Variants in ATIC observed in about 807,000 individuals in gnomAD.
ATIC encodes 5-aminoimidazole-4-carboxamide ribonucleotide formyltransferase/IMP cyclohydrolase, also known as bifunctional purine biosynthesis protein ATIC.
ATIC carries 64 observed loss-of-function variants against 72.5 expected under a neutral mutation model. The observed-to-expected ratio is 0.88, with a 90% CI of 0.72 to 1.09. The LOEUF is 1.09. Among genes scored for constraint, ATIC ranks in the 50% least tolerant of loss-of-function variants. The pLI is 0.00. For synonymous variants in ATIC, 281 were observed against 267.1 expected (o/e 1.05, Z -0.51); for missense variants, 787 against 732.4 (o/e 1.07, Z -0.86).
At chr2:215,312,298 C>A in intron 1 of ATIC, 137 bp downstream of exon 1, 1 of 1,443,134 alleles carries the variant, frequency 6.9e-7, no homozygotes, top group Non-Finnish European at 9.2e-7. Flanking sequence ...CGCTCCCCGG[C>A]CGGGCCGCAG....
chr2:215,337,736 C>A (rs2052972510), intron 11 of ATIC, among the ~76,000 whole-genome samples: 1 of 152,140 alleles, frequency 6.6e-6, no homozygotes, highest in South Asian at 2.1e-4. Context: ...CAACCATTAG[C>A]ATTTTCTTGT....
chr2:215,348,694 G>A lies in ATIC; in HGVS notation c.1504-400G>A, dbSNP rs189975188. ...TTAAGAAATCCTGGCCGGGCGCGGT[G>A]GCTCATGCCTATAATCCCAGCACTT... is the stretch of plus-strand genomic sequence containing the variant. On this transcript the variant is annotated intron_variant, in intron 14 of 15. Transcript: ENST00000236959. The A allele has an allele frequency of 1.4e-5, 6 of 420,156 alleles. No individual in the cohort carries two copies. The East Asian group carries it at 3.4e-4, about 24-fold the overall frequency. 26.0% of individuals were successfully genotyped at this position (420,156 alleles called of 1,614,324 possible). A position where few individuals can be genotyped will look rare whatever the true frequency, so the allele number is the denominator to read the frequency against.
At chr2:215,346,150 T>TTTTATTTA (rs35409099) in intron 13 of ATIC, among the ~76,000 whole-genome samples, 22 of 151,184 alleles carry the variant, frequency 1.5e-4, no homozygotes, top group Admixed American at 7.3e-4. Flanking sequence ...TGGTCATTAG[T>TTTTATTTA]TTTATTTATT....
downstream of ATIC, among the ~76,000 whole-genome samples, chr2:215,350,763 T>C (rs2053124340): frequency 6.6e-6 from 1 of 152,214 alleles, no homozygotes; most frequent in African/African-American, 2.4e-5. Flanking sequence ...AGGACAGACC[T>C]GTGCATCTGT....
At chr2:215,330,999 T>G (rs538540782) in intron 7 of ATIC, among the ~76,000 whole-genome samples, 2 of 152,332 alleles carry the variant, frequency 1.3e-5, no homozygotes, top group Admixed American at 1.3e-4. Context: ...GAATAATATT[T>G]CACTGTGTAT....
At chr2:215,355,128 C>G in the ATIC span, among the ~76,000 whole-genome samples, 1 of 152,026 alleles carries the variant, frequency 6.6e-6, no homozygotes, top group Non-Finnish European at 1.5e-5. Flanking sequence ...CAAGCTTACT[C>G]CTGGGTTCCT....
At chr2:215,355,146 T>C in the ATIC span, among the ~76,000 whole-genome samples, 45 of 152,250 alleles carry the variant, frequency 3.0e-4, 1 homozygote, top group East Asian at 8.1e-3. Flanking sequence ...CCTCATATTT[T>C]GCTCTGTGAG....
rs1559267639 is a variant in ATIC at position 215,320,588 on chromosome 2, A to ATTTTTTTTTTTTTTTTTTTTTT, written c.290+861_290+862insTTTTTTTTTTTTTTTTTTTTTT. Among the ~76,000 whole-genome samples, 8 of 151,650 alleles carry ATTTTTTTTTTTTTTTTTTTTTT rather than the reference A, an allele frequency of 5.3e-5. 2 individuals are homozygous for ATTTTTTTTTTTTTTTTTTTTTT. The highest frequency in any genetic ancestry group is 3.9e-4 in the East Asian group (2 of 5,174). On this transcript the variant is annotated intron_variant, in intron 4 of 15. Coordinates refer to ENST00000236959, the MANE Select transcript of ATIC (RefSeq NM_004044.7). ...TAACTTTTATTCTTAATTTAATTTA[A>ATTTTTTTTTTTTTTTTTTTTTT]TTTTATTTTGAGACAGGGTCTCGCT...
chr2:215,326,410 G>C (rs1457800241), intron 6 of ATIC, among the ~76,000 whole-genome samples: 3 of 152,096 alleles, frequency 2.0e-5, no homozygotes, highest in African/African-American at 7.2e-5. Context: ...TTTGAGACCA[G>C]CCTGGCCAAT....
In ATIC at chr2:215,332,273, TA is replaced by T. The variant is rs2052903807; in HGVS notation, c.689-107del. On this transcript the variant is annotated intron_variant, in intron 7 of 15. Coordinates refer to ENST00000236959, the MANE Select transcript of ATIC (RefSeq NM_004044.7). ...TGTTTGTGTGTATCTGTTTGGCTCT[TA>T]ATTATACTTAAAACATTTGTTTAGT... 6 of 1,479,832 alleles carry T rather than the reference TA, an allele frequency of 4.1e-6. No homozygotes were observed. In the East Asian group the frequency reaches 1.4e-4, roughly 34 times the overall value. The allele number at this position is 1,479,832 out of a possible 1,614,324, so 91.7% of individuals were successfully genotyped here.
At chr2:215,325,805 A>G (rs2052817322) in intron 5 of ATIC, among the ~76,000 whole-genome samples, 182 bp from the exon 6 acceptor site, 1 of 152,090 alleles carries the variant, frequency 6.6e-6, no homozygotes, top group African/African-American at 2.4e-5. Flanking sequence ...ACCTCAGGTG[A>G]TCCACCTGCC....
At chr2:215,347,860 T>C (rs541693789) in intron 14 of ATIC, among the ~76,000 whole-genome samples, 19 of 152,288 alleles carry the variant, frequency 1.2e-4, no homozygotes, top group Non-Finnish European at 2.8e-4. Context: ...TCTGTGCCAC[T>C]ATGACACAAT....
In ATIC at chr2:215,333,427, C is replaced by G; in HGVS notation, c.892C>G (p.Pro298Ala). 1.2e-6 allele frequency: 2 copies of G among 1,614,070 alleles called. No homozygotes were observed. Among genetic ancestry groups the G allele is most frequent in the Non-Finnish European group, 1.7e-6 (2 of 1,180,012 alleles). ...TTATGATCTCTATAAAACCCTCACA[C>G]CCATCTCAGCGGCATATGCAAGAGC... ...MVYDLYKTLT[P>A]ISAAYARARG... Residue 298 changes from proline (P) to alanine (A), a missense_variant, in exon 9 of 16, where the codon CCC (proline) becomes GCC (alanine). Physicochemically the swap from Pro to Ala is conservative, Grantham distance 27. Coordinates refer to ENST00000236959, the MANE Select transcript of ATIC (RefSeq NM_004044.7).
chr2:215,318,028 T>C, intron 2 of ATIC, 129 bp from the exon 3 acceptor site: 2 of 828,216 alleles, frequency 2.4e-6, no homozygotes, highest in Non-Finnish European at 4.0e-6. Flanking sequence ...TGAAATACTT[T>C]AAAAAATCAG....
Position 215,326,899 on chromosome 2 carries a change from G to A in ATIC, c.609G>A (p.Gln203=). ...AACAGTACAGCAAAGGCGTATCTCA[G>A]ATGCCCTTGAGATATGGAATGAACC... ...FRKQYSKGVS[Q]MPLRYGMNPH... is the part of the protein sequence containing the mutation. Residue 203 remains glutamine, a synonymous_variant, in exon 7 of 16, where the codon CAG becomes CAA. Transcript: ENST00000236959. 6.2e-7 allele frequency: 1 copy of A among 1,614,078 alleles called. No individual in the cohort carries two copies. Among genetic ancestry groups the A allele is most frequent in the African/African-American group, 1.3e-5 (1 of 75,018 alleles).
At chr2:215,319,050 T>C (rs952757469) in intron 3 of ATIC, among the ~76,000 whole-genome samples, 6 of 151,800 alleles carry the variant, frequency 4.0e-5, no homozygotes, top group African/African-American at 1.5e-4. Flanking sequence ...CCAGCTAATT[T>C]TTGTATTTTT....
the ATIC span, among the ~76,000 whole-genome samples, chr2:215,355,759 G>A: frequency 6.6e-6 from 1 of 152,192 alleles, no homozygotes; most frequent in Non-Finnish European, 1.5e-5. Context: ...CACCAACCAG[G>A]TCAAGAAGGA....
chr2:215,326,346 T>A (rs2052825700), intron 6 of ATIC, among the ~76,000 whole-genome samples: 1 of 152,166 alleles, frequency 6.6e-6, no homozygotes. Flanking sequence ...GGCTCACGCC[T>A]GTAATCCTAG....
the ATIC span, chr2:215,362,039 G>A: frequency 5.6e-6 from 9 of 1,614,114 alleles, no homozygotes; most frequent in Non-Finnish European, 7.6e-6. Flanking sequence ...TTCGGGACTG[G>A]GTTCACCCCC....
Sources: gnomAD v4.1 joint callset for allele counts (sites outside exome capture counted in the v4.1 genomes callset) on GRCh38, gnomAD v4.1.1 for gene constraint, MANE v1.5 for transcripts, NCBI Gene and HGNC (gene_info 2026-07-23, HGNC 2026-07-21) for gene names.